Variants in RUNDC3B observed in about 807,000 individuals in gnomAD.
RUNDC3B encodes the protein RUN domain containing 3B.
Under a neutral mutation model 58.4 loss-of-function variants are expected in RUNDC3B, and 33 were observed. The observed-to-expected ratio is 0.56, with a 90% CI of 0.43 to 0.75. The LOEUF is 0.75. Among genes scored for constraint, RUNDC3B ranks in the 30% least tolerant of loss-of-function variants. The probability of loss-of-function intolerance (pLI) is 0.00; values close to 1 mark genes in which losing one functional copy is unlikely to be tolerated. For synonymous variants in RUNDC3B, 193 were observed against 195.2 expected (o/e 0.99, Z 0.10); for missense variants, 501 against 535.7 (o/e 0.94, Z 0.64).
chr7:87,759,870 T>C (rs2130851322), intron 6 of RUNDC3B, among the ~76,000 whole-genome samples: 1 of 152,032 alleles, frequency 6.6e-6, no homozygotes, highest in African/African-American at 2.4e-5. Context: ...AATGCCTGTA[T>C]CAAAACATCA....
chr7:87,723,611 TA>T (rs1441320958), intron 4 of RUNDC3B, among the ~76,000 whole-genome samples: 4 of 152,190 alleles, frequency 2.6e-5, no homozygotes, highest in Non-Finnish European at 4.4e-5. Flanking sequence ...GTTTAATTAT[TA>T]AAAATGAGTA....
At chr7:87,814,656 T>C (rs994041963) in intron 9 of RUNDC3B, among the ~76,000 whole-genome samples, 8 of 152,160 alleles carry the variant, frequency 5.3e-5, no homozygotes, top group African/African-American at 1.9e-4. Context: ...GCTATATAAA[T>C]GTTAGATATC....
chr7:87,743,381 G>A (rs1391192303), intron 6 of RUNDC3B, among the ~76,000 whole-genome samples: 1 of 152,170 alleles, frequency 6.6e-6, no homozygotes, highest in African/African-American at 2.4e-5. Flanking sequence ...AGTTCCTTAA[G>A]GAATCTCCAT....
intron 3 of RUNDC3B, among the ~76,000 whole-genome samples, chr7:87,710,109 C>T (rs1829937352): frequency 6.6e-6 from 1 of 151,960 alleles, no homozygotes; most frequent in Non-Finnish European, 1.5e-5. Context: ...TGTATAAAAC[C>T]TCCCACTGAA....
At chr7:87,762,170 C>A (rs1287311958) in intron 6 of RUNDC3B, among the ~76,000 whole-genome samples, 1 of 151,410 alleles carries the variant, frequency 6.6e-6, no homozygotes, top group Non-Finnish European at 1.5e-5. Context: ...GTTTTTAAAT[C>A]GTTAATGAGT....
chr7:87,787,510 A>G (rs1047946481), intron 8 of RUNDC3B, among the ~76,000 whole-genome samples: 3 of 152,216 alleles, frequency 2.0e-5, no homozygotes, highest in Non-Finnish European at 4.4e-5. Context: ...ATGTATTTTG[A>G]ATTACTATTA....
At chr7:87,758,695 G>A (rs538367650) in intron 6 of RUNDC3B, among the ~76,000 whole-genome samples, 2 of 152,216 alleles carry the variant, frequency 1.3e-5, no homozygotes, top group East Asian at 3.9e-4. Context: ...CTCAAGAGGA[G>A]ACATACAAAT....
intron 2 of RUNDC3B, among the ~76,000 whole-genome samples, chr7:87,686,334 C>G (rs1239652215): frequency 1.3e-5 from 2 of 152,112 alleles, no homozygotes; most frequent in African/African-American, 4.8e-5. Flanking sequence ...CTAATGTCAT[C>G]AAGTCATAAT....
chr7:87,699,248 T>C (rs1401810714), intron 2 of RUNDC3B, among the ~76,000 whole-genome samples: 1 of 152,044 alleles, frequency 6.6e-6, no homozygotes, highest in Non-Finnish European at 1.5e-5. Context: ...TATTTCAAAA[T>C]ATGAAAGCAA....
rs1478866666 is a variant in RUNDC3B, at chr7:87,628,580, CGTGCGTGTGTGT to C, written c.-240_-229del. On this transcript the variant is annotated 5_prime_UTR_variant, in exon 1 of 11. Coordinates refer to ENST00000394654, the MANE Select transcript of RUNDC3B (RefSeq NM_001134405.2). ...GCGCCGAGGGCGGAGGTGGTGCGTG[CGTGCGTGTGTGT>C]GTGTGTGTGTGTGTGTGTGTGTGTG... 22 of 292,800 alleles carry C rather than the reference CGTGCGTGTGTGT, an allele frequency of 7.5e-5. No homozygotes were observed. The highest frequency in any genetic ancestry group is 2.3e-4 in the South Asian group (1 of 4,282). 18.1% of individuals were successfully genotyped at this position (292,800 alleles called of 1,614,324 possible). A position where few individuals can be genotyped will look rare whatever the true frequency, so the allele number is the denominator to read the frequency against.
At chr7:87,763,235 T>C (rs1833795303) in intron 6 of RUNDC3B, among the ~76,000 whole-genome samples, 1 of 151,702 alleles carries the variant, frequency 6.6e-6, no homozygotes, top group African/African-American at 2.4e-5. Context: ...TGACATATGC[T>C]TTTGATGTCC....
At position 87,830,062 on chromosome 7, in the gene RUNDC3B, G is replaced by A; in HGVS notation, c.*32G>A. 2 of 1,457,482 alleles carry A rather than the reference G, an allele frequency of 1.4e-6. No individual in the cohort carries two copies. Among genetic ancestry groups the A allele is most frequent in the Non-Finnish European group, 1.9e-6 (2 of 1,074,590 alleles). 90.3% of individuals were successfully genotyped at this position (1,457,482 alleles called of 1,614,324 possible). On this transcript the variant is annotated 3_prime_UTR_variant, in exon 11 of 11. Coordinates refer to ENST00000394654, the MANE Select transcript of RUNDC3B (RefSeq NM_001134405.2). ...TTGTGTAAAAGCCAAAACTTTTTAT[G>A]TTGTAAATGTTTAATTTACATGTTT...
chr7:87,821,100 G>T (rs1322423872), intron 10 of RUNDC3B, among the ~76,000 whole-genome samples: 1 of 151,000 alleles, frequency 6.6e-6, no homozygotes, highest in African/African-American at 2.4e-5. Context: ...AAGTCAAATT[G>T]TCCCTGTTTG....
In RUNDC3B at chr7:87,781,421, C is replaced by A. The variant is rs80252768; in HGVS notation, c.956+3466C>A. ...AGGTTTTCTAGGTATATAATTATAT[C>A]ATCAGGAAAGAGAGACAATATGACT... On this transcript the variant is annotated intron_variant, in intron 8 of 10. Transcript: ENST00000394654. Among the ~76,000 whole-genome samples, 722 of 152,144 alleles carry A rather than the reference C, an allele frequency of 4.7e-3. 4 individuals are homozygous for A. The highest frequency in any genetic ancestry group is 0.016 in the African/African-American group (683 of 41,524).
At chr7:87,687,709 A>T (rs1033624232) in intron 2 of RUNDC3B, among the ~76,000 whole-genome samples, 2 of 152,294 alleles carry the variant, frequency 1.3e-5, no homozygotes, top group African/African-American at 4.8e-5. Flanking sequence ...AAAACGAGTT[A>T]GAACTCCTGT....
At chr7:87,649,756 G>A (rs28381754) in intron 1 of RUNDC3B, among the ~76,000 whole-genome samples, 2 of 152,288 alleles carry the variant, frequency 1.3e-5, no homozygotes, top group Non-Finnish European at 2.9e-5. Flanking sequence ...TAATTCCTAT[G>A]TGTTGTGGGA....
At chr7:87,733,739 A>G (rs936530915) in intron 4 of RUNDC3B, among the ~76,000 whole-genome samples, 1 of 152,170 alleles carries the variant, frequency 6.6e-6, no homozygotes, top group Non-Finnish European at 1.5e-5. Context: ...TGCAGTTCAC[A>G]GTAGGGTTCT....
At chr7:87,703,711 T>A (rs1008717987) in intron 3 of RUNDC3B, among the ~76,000 whole-genome samples, 1 of 151,864 alleles carries the variant, frequency 6.6e-6, no homozygotes, top group Non-Finnish European at 1.5e-5. Context: ...ATCCTATTGT[T>A]ATTACATATT....
chr7:87,802,542 C>G (rs1836226784), intron 8 of RUNDC3B, among the ~76,000 whole-genome samples: 2 of 152,262 alleles, frequency 1.3e-5, no homozygotes, highest in East Asian at 3.9e-4. Flanking sequence ...TTTAATTATA[C>G]ATTTAAAAAT....
Sources: gnomAD v4.1 joint callset for allele counts (sites outside exome capture counted in the v4.1 genomes callset) on GRCh38, gnomAD v4.1.1 for gene constraint, MANE v1.5 for transcripts, NCBI Gene and HGNC (gene_info 2026-07-23, HGNC 2026-07-21) for gene names.